Variants in MPPED1 observed in about 807,000 individuals in gnomAD.
MPPED1 encodes metallophosphoesterase domain-containing protein 1.
MPPED1 carries 16 observed loss-of-function variants against 36.2 expected under a neutral mutation model. That is an observed-to-expected ratio of 0.44 (90% CI 0.30 to 0.67). The LOEUF is 0.67. MPPED1 is among the 30% of genes least tolerant of loss of function. The pLI is 0.10. For missense variants in MPPED1, 307 were observed against 453.4 expected (o/e 0.68, Z 2.93); for synonymous variants, 199 against 191.3 (o/e 1.04, Z -0.33).
At position 43,473,726 on chromosome 22, in the gene MPPED1, C is replaced by T. The variant is rs1211565766; in HGVS notation, c.407-1010C>T. Among the ~76,000 whole-genome samples, 5 of 152,238 alleles carry T rather than the reference C, an allele frequency of 3.3e-5. No individual in the cohort carries two copies. In the South Asian group the frequency reaches 8.3e-4, roughly 25 times the overall value. ...TGGAGTAGGGGGCAGGGGCGAGTGG[C>T]GTTTACTGAGACCGAACAGCTGTGG... is the stretch of plus-strand genomic sequence containing the variant. On this transcript the variant is annotated intron_variant, in intron 3 of 6. Coordinates refer to ENST00000443721, the MANE Select transcript of MPPED1 (RefSeq NM_001044370.2).
chr22:43,467,638 G>T (rs1336701936), intron 3 of MPPED1, among the ~76,000 whole-genome samples: 1 of 152,066 alleles, frequency 6.6e-6, no homozygotes, highest in African/African-American at 2.4e-5. Context: ...CCTAGACATC[G>T]GCAAGTGTTT....
intron 1 of MPPED1, 48 bp from the exon 2 acceptor site, chr22:43,424,860 A>G: frequency 6.8e-7 from 1 of 1,460,920 alleles, no homozygotes; most frequent in Non-Finnish European, 9.0e-7. Context: ...TAAATAAAGC[A>G]AATCCCAAAC....
At chr22:43,452,670 C>G (rs1324362866) in intron 3 of MPPED1, among the ~76,000 whole-genome samples, 4 of 152,196 alleles carry the variant, frequency 2.6e-5, no homozygotes, top group Non-Finnish European at 5.9e-5. Flanking sequence ...TGTTTTGTCA[C>G]CCAGGCTGGA....
chr22:43,432,920 G>GGA (rs72287861), intron 2 of MPPED1, among the ~76,000 whole-genome samples: 2,120 of 62,782 alleles, frequency 0.034, 661 homozygotes, highest in Non-Finnish European at 0.078. Context: ...GAGAAAGGGA[G>GGA]GAGAGAGAGA....
intron 6 of MPPED1, among the ~76,000 whole-genome samples, chr22:43,504,915 TAGTG>T (rs1932778788): frequency 6.6e-6 from 1 of 151,466 alleles, no homozygotes; most frequent in Non-Finnish European, 1.5e-5. Flanking sequence ...TTCATGGTGA[TAGTG>T]ATGATGATGG....
chr22:43,446,654 T>A (rs796195936), intron 3 of MPPED1, among the ~76,000 whole-genome samples: 3 of 152,146 alleles, frequency 2.0e-5, no homozygotes, highest in African/African-American at 7.2e-5. Flanking sequence ...GGGGGCTTCA[T>A]GCAGGAGGTG....
rs1932828725 is a variant in MPPED1, at chr22:43,507,240, G to T, written c.*1624G>T. 1 of 152,244 alleles carries T rather than the reference G, an allele frequency of 6.6e-6. No homozygotes were observed. Among genetic ancestry groups the T allele is most frequent in the Admixed American group, 6.5e-5 (1 of 15,276 alleles). The allele number at this position is 152,244 out of a possible 1,614,324, so 9.4% of individuals were successfully genotyped here. A position where few individuals can be genotyped will look rare whatever the true frequency, so the allele number is the denominator to read the frequency against. On this transcript the variant is annotated 3_prime_UTR_variant, in exon 7 of 7. Coordinates refer to ENST00000443721, the MANE Select transcript of MPPED1 (RefSeq NM_001044370.2). ...TTATGTCCCTACAAAGCAATGCATG[G>T]TCCAAGGCTCTTTTTATTGTATTTT...
intron 3 of MPPED1, among the ~76,000 whole-genome samples, chr22:43,456,820 A>G (rs1229247220): frequency 3.3e-5 from 5 of 152,192 alleles, no homozygotes; most frequent in African/African-American, 1.2e-4. Flanking sequence ...TTTTTAAATC[A>G]TGAAAGGGTG....
In MPPED1 at chr22:43,435,206, G is replaced by C; in HGVS notation, c.397G>C (p.Glu133Gln). 1 of 1,607,634 alleles carries C rather than the reference G, an allele frequency of 6.2e-7. No individual in the cohort carries two copies. Among genetic ancestry groups the C allele is most frequent in the Non-Finnish European group, 8.5e-7 (1 of 1,179,690 alleles). Residue 133 changes from glutamate to glutamine, a missense_variant, in exon 3 of 7, where the codon GAG becomes CAG. Around this residue, in one of 3 missense-constraint regions of MPPED1, gnomAD observed 169 missense variants for 212.3 expected, o/e 0.80. Transcript: ENST00000443721. ...CCCGAGCGAGGTGAAGAAGTTCAACGAGTGGCTGGGTAGGTCCCTCCTGCC... is the reference window on the plus strand; with the variant it reads ...CCCGAGCGAGGTGAAGAAGTTCAACCAGTGGCTGGGTAGGTCCCTCCTGCC... ...GLPSEVKKFNEWLGSLPYEYK... is the reference protein window; with the variant it reads ...GLPSEVKKFNQWLGSLPYEYK...
chr22:43,489,526 T>TC (rs1362822435), intron 4 of MPPED1, among the ~76,000 whole-genome samples: 4 of 151,778 alleles, frequency 2.6e-5, no homozygotes. Flanking sequence ...CCCTGACATT[T>TC]TTTTTTTTTT....
intron 3 of MPPED1, among the ~76,000 whole-genome samples, chr22:43,455,492 G>A (rs1930724093): frequency 6.6e-6 from 1 of 152,128 alleles, no homozygotes; most frequent in South Asian, 2.1e-4. Flanking sequence ...ACCTCACTAA[G>A]GGTCCTGTCT....
intron 2 of MPPED1, among the ~76,000 whole-genome samples, chr22:43,430,005 C>T (rs1180393072): frequency 6.6e-6 from 1 of 152,108 alleles, no homozygotes; most frequent in Non-Finnish European, 1.5e-5. Context: ...ACTGGGCAAG[C>T]GGTTGGGGCA....
At chr22:43,455,882 T>G (rs79358807) in intron 3 of MPPED1, among the ~76,000 whole-genome samples, 8,537 of 152,310 alleles carry the variant, frequency 0.056, 291 homozygotes, top group Non-Finnish European at 0.067. Context: ...ACAAGCTTCT[T>G]GGTTTAAGAT....
chr22:43,483,862 G>A (rs887795503), intron 4 of MPPED1, among the ~76,000 whole-genome samples: 3 of 152,212 alleles, frequency 2.0e-5, no homozygotes, highest in African/African-American at 7.2e-5. Flanking sequence ...GGGGCATCCT[G>A]GACCACACAG....
chr22:43,486,523 C>T (rs1399173042), intron 4 of MPPED1, among the ~76,000 whole-genome samples: 1 of 152,136 alleles, frequency 6.6e-6, no homozygotes, highest in Admixed American at 6.5e-5. Context: ...AAATGTCACA[C>T]CCCTGCTTGG....
chr22:43,464,707 A>AC (rs1931100804), intron 3 of MPPED1, among the ~76,000 whole-genome samples: 1 of 151,638 alleles, frequency 6.6e-6, no homozygotes, highest in Non-Finnish European at 1.5e-5. Flanking sequence ...AGTCCTTGAG[A>AC]CCCCCTGGGA....
At chr22:43,456,198 G>C (rs1930747515) in intron 3 of MPPED1, among the ~76,000 whole-genome samples, 1 of 152,244 alleles carries the variant, frequency 6.6e-6, no homozygotes, top group Non-Finnish European at 1.5e-5. Context: ...AATGGCAAGA[G>C]TGAATGTCCT....
intron 2 of MPPED1, 35 bp from the exon 3 acceptor site, chr22:43,434,999 G>A (rs776229285): frequency 6.2e-7 from 1 of 1,602,206 alleles, no homozygotes; most frequent in South Asian, 1.1e-5. Context: ...GCGGCTCCAT[G>A]GCCTCCTGAT....
intron 3 of MPPED1, among the ~76,000 whole-genome samples, chr22:43,458,419 G>A (rs890465404): frequency 6.6e-5 from 10 of 151,926 alleles, no homozygotes; most frequent in Non-Finnish European, 1.3e-4. Flanking sequence ...CCAAGTAGCT[G>A]GGATTACAGG....
Sources: gnomAD v4.1 joint callset for allele counts (sites outside exome capture counted in the v4.1 genomes callset) on GRCh38, gnomAD v4.1.1 for gene constraint, gnomAD v4.1.1 regional missense constraint, MANE v1.5 for transcripts, NCBI Gene and HGNC (gene_info 2026-07-23, HGNC 2026-07-21) for gene names.